Variants in PRUNE2 observed in about 807,000 individuals in gnomAD.
PRUNE2 encodes the protein protein prune homolog 2.
A neutral mutation model predicts 252.0 loss-of-function variants in PRUNE2; 164 were observed. The ratio of observed to expected loss-of-function variants is 0.65; its 90% confidence interval spans 0.57 to 0.74. The LOEUF (loss-of-function observed/expected upper bound fraction) is 0.74, where lower values mean the gene tolerates loss of function less well. PRUNE2 is among the 30% of genes least tolerant of loss of function. PRUNE2 has a pLI of 0.00. For missense variants in PRUNE2, 3,495 were observed against 3,711.0 expected (o/e 0.94, Z 1.51); for synonymous variants, 1,292 against 1,350.2 (o/e 0.96, Z 0.94).
intron 16 of PRUNE2, among the ~76,000 whole-genome samples, chr9:76,627,492 G>A (rs1334935778): frequency 6.6e-6 from 1 of 152,104 alleles, no homozygotes; most frequent in Admixed American, 6.6e-5. Flanking sequence ...CCAGAGCTAT[G>A]AGGTATGCTG....
At chr9:76,901,547 A>G (rs2063174941) in intron 1 of PRUNE2, among the ~76,000 whole-genome samples, 1 of 152,242 alleles carries the variant, frequency 6.6e-6, no homozygotes, top group Non-Finnish European at 1.5e-5. Flanking sequence ...CCCATGCAAG[A>G]GGAAATCAGG....
chr9:76,714,991 C>T (rs1564135717), intron 6 of PRUNE2, among the ~76,000 whole-genome samples: 1 of 152,164 alleles, frequency 6.6e-6, no homozygotes, highest in Non-Finnish European at 1.5e-5. Flanking sequence ...CAAAAAACAC[C>T]ATGATGTGCA....
chr9:76,665,924 A>C (rs2040055655), intron 9 of PRUNE2, among the ~76,000 whole-genome samples: 1 of 152,168 alleles, frequency 6.6e-6, no homozygotes. Flanking sequence ...AACAACAAGA[A>C]TTATACTAGA....
chr9:76,894,174 C>T (rs1454020622), intron 1 of PRUNE2, among the ~76,000 whole-genome samples: 3 of 152,210 alleles, frequency 2.0e-5, no homozygotes, highest in Admixed American at 6.5e-5. Context: ...AATTAATCCA[C>T]AAGAATCGGC....
chr9:76,698,612 A>T (rs1357002590), intron 9 of PRUNE2, among the ~76,000 whole-genome samples: 8 of 152,278 alleles, frequency 5.3e-5, no homozygotes, highest in Middle Eastern at 3.4e-3. Context: ...ATTATCCAAC[A>T]CTGAGAGAAA....
chr9:76,734,951 G>T (rs1038149803), intron 6 of PRUNE2, among the ~76,000 whole-genome samples: 1 of 152,050 alleles, frequency 6.6e-6, no homozygotes, highest in Non-Finnish European at 1.5e-5. Flanking sequence ...AGAGAGGAGT[G>T]TCCCTGAGGA....
At chr9:76,854,691 G>T (rs930744864) in intron 1 of PRUNE2, among the ~76,000 whole-genome samples, 1 of 152,050 alleles carries the variant, frequency 6.6e-6, no homozygotes, top group African/African-American at 2.4e-5. Flanking sequence ...GGTTCTCTCT[G>T]TATTCTATTC....
At chr9:76,646,087 T>C (rs1206155494) in intron 11 of PRUNE2, among the ~76,000 whole-genome samples, 22 of 152,238 alleles carry the variant, frequency 1.4e-4, no homozygotes, top group Non-Finnish European at 1.5e-5. Context: ...ACATTGTACC[T>C]TGAATGTGTG....
chr9:76,758,565 T>C (rs1589053248), intron 6 of PRUNE2: 2 of 151,668 alleles, frequency 1.3e-5, no homozygotes, highest in Middle Eastern at 6.8e-3. Flanking sequence ...AGCACCGTGA[T>C]ACTAGCTCAC....
chr9:76,823,819 A>T, intron 5 of PRUNE2, 93 bp from the exon 6 acceptor site: 1 of 743,738 alleles, frequency 1.3e-6, no homozygotes, highest in Admixed American at 2.2e-5. Context: ...TACTCTGTAA[A>T]TTTCATTCTT....
At chr9:76,724,281 A>G (rs1337268595) in intron 6 of PRUNE2, among the ~76,000 whole-genome samples, 1 of 136,040 alleles carries the variant, frequency 7.4e-6, no homozygotes, top group Non-Finnish European at 1.6e-5. Context: ...CAACATGGTG[A>G]GACCTGTCTC....
At chr9:76,859,816 C>T (rs780656310) in intron 1 of PRUNE2, among the ~76,000 whole-genome samples, 9 of 152,132 alleles carry the variant, frequency 5.9e-5, no homozygotes, top group Non-Finnish European at 1.2e-4. Flanking sequence ...AATTCTCCTG[C>T]CTCAGTTTCC....
At chr9:76,817,951 A>T (rs974501933) in intron 6 of PRUNE2, 1 of 152,198 alleles carries the variant, frequency 6.6e-6, no homozygotes, top group African/African-American at 2.4e-5. Context: ...GAGTTTTCAC[A>T]TATTTCTATT....
At chr9:76,866,155 T>C (rs1180040260) in intron 1 of PRUNE2, among the ~76,000 whole-genome samples, 1 of 152,218 alleles carries the variant, frequency 6.6e-6, no homozygotes, top group East Asian at 1.9e-4. Context: ...GGCCCAATCC[T>C]GGGGCCTAAC....
intron 6 of PRUNE2, among the ~76,000 whole-genome samples, chr9:76,795,693 C>T (rs946075103): frequency 2.6e-5 from 4 of 152,046 alleles, no homozygotes; most frequent in African/African-American, 7.2e-5. Context: ...TTTTGTTCAC[C>T]GTAAAAATAC....
intron 6 of PRUNE2, among the ~76,000 whole-genome samples, chr9:76,719,073 T>G (rs1252906748): frequency 6.6e-6 from 1 of 152,216 alleles, no homozygotes; most frequent in Non-Finnish European, 1.5e-5. Flanking sequence ...TCACAGCTGG[T>G]CTCTCAGTAA....
chr9:76,800,240 C>T (rs2056457622), intron 6 of PRUNE2, among the ~76,000 whole-genome samples: 2 of 152,056 alleles, frequency 1.3e-5, no homozygotes, highest in African/African-American at 4.8e-5. Context: ...GTGATGTTCC[C>T]CTTCCTGTGT....
intron 5 of PRUNE2, 29 bp downstream of exon 5, chr9:76,826,551 A>G: frequency 6.6e-7 from 1 of 1,518,462 alleles, no homozygotes; most frequent in Non-Finnish European, 8.9e-7. Context: ...CTCGGGAGGG[A>G]CAAGAGAGCT....
intron 18 of PRUNE2, among the ~76,000 whole-genome samples, chr9:76,618,419 G>C (rs1292346639): frequency 6.6e-6 from 1 of 152,194 alleles, no homozygotes; most frequent in African/African-American, 2.4e-5. Context: ...CTGATTGCTA[G>C]GAACAAGGGC....
Sources: gnomAD v4.1 joint callset for allele counts (sites outside exome capture counted in the v4.1 genomes callset) on GRCh38, gnomAD v4.1.1 for gene constraint, MANE v1.5 for transcripts, NCBI Gene and HGNC (gene_info 2026-07-23, HGNC 2026-07-21) for gene names.